The following RAB15 variants were observed in gnomAD, a reference collection of about 807,000 sequenced individuals.
The protein encoded by RAB15 is ras-related protein Rab-15.
In RAB15, 13 loss-of-function variants were observed where a neutral mutation model predicts 31.8. That is an observed-to-expected ratio of 0.41 (90% CI 0.27 to 0.65). The LOEUF (loss-of-function observed/expected upper bound fraction) is 0.65, where lower values mean the gene tolerates loss of function less well. Among genes scored for constraint, RAB15 ranks in the 30% least tolerant of loss-of-function variants. The probability of loss-of-function intolerance (pLI) is 0.32; values close to 1 mark genes in which losing one functional copy is unlikely to be tolerated. For synonymous variants in RAB15, 100 were observed against 105.6 expected, an observed-to-expected ratio of 0.95 and a Z score of 0.33; for missense variants, 220 against 277.3, an observed-to-expected ratio of 0.79 and a Z score of 1.47.
chr14:64,958,132 A>ACCC lies in RAB15; in HGVS notation c.125-5562_125-5561insGGG, dbSNP rs1886676717. ...CTAATTTTTTGTATTTTTAGTAGAG[A>ACCC]CGGGGTTTCACTGACATTATGCGGC... On this transcript the variant is annotated intron_variant, in intron 1 of 6. Coordinates refer to ENST00000533601, the MANE Select transcript of RAB15 (RefSeq NM_001308154.2). The surrounding 1 kb of genome is among the most constrained non-coding windows in gnomAD (Gnocchi z 4.4). 2 of 152,174 alleles carry ACCC rather than the reference A, an allele frequency of 1.3e-5. No individual in the cohort carries two copies. Among genetic ancestry groups the ACCC allele is most frequent in the African/African-American group, 4.8e-5 (2 of 41,402 alleles). The allele number at this position is 152,174 out of a possible 1,614,324, so 9.4% of individuals were successfully genotyped here.
intron 1 of RAB15, among the ~76,000 whole-genome samples, chr14:64,963,200 C>T (rs143745346): frequency 6.7e-6 from 1 of 149,620 alleles, no homozygotes; most frequent in East Asian, 2.0e-4. Flanking sequence ...CTCACTGCAA[C>T]CTCCACCTCC....
In RAB15 at chr14:64,948,428, C is replaced by G; in HGVS notation, c.565G>C (p.Ala189Pro). ...TCCTCCTCCTCCAGCTCTGCCAGTG[C>G]CAACTCATTGCTGGCACGCATCCGG... ...GLRMRASNEL[A>P]LAELEEEEGK... The change falls in exon 7 of 7, where the codon GCA becomes CCA. Residue 189 changes from alanine (A) to proline (P), a missense_variant. Ala to Pro is a conservative substitution (Grantham distance 27). Transcript: ENST00000533601. The surrounding 1 kb of genome is among the most constrained non-coding windows in gnomAD (Gnocchi z 7.0). 6.2e-7 allele frequency: 1 copy of G among 1,613,764 alleles called. No individual in the cohort carries two copies. The highest frequency in any genetic ancestry group is 8.5e-7 in the Non-Finnish European group (1 of 1,179,884).
rs1885999746 is a variant in RAB15 at position 64,947,856 on chromosome 14, T to C, written c.*498A>G. 1 of 152,828 alleles carries C rather than the reference T, an allele frequency of 6.5e-6. No homozygotes were observed. The highest frequency in any genetic ancestry group is 2.1e-4 in the South Asian group (1 of 4,820). 9.5% of individuals were successfully genotyped at this position (152,828 alleles called of 1,614,324 possible). On this transcript the variant is annotated 3_prime_UTR_variant, in exon 7 of 7. Coordinates refer to ENST00000533601, the MANE Select transcript of RAB15 (RefSeq NM_001308154.2). The surrounding 1 kb of genome is among the most constrained non-coding windows in gnomAD (Gnocchi z 5.6). ...ACGAGCCTGGGTCCATCCCCTTGGA[T>C]AGCTTAGGAAGGAAGGAAAGAGCGA...
chr14:64,948,234 C>G lies in RAB15; in HGVS notation c.*120G>C. On this transcript the variant is annotated 3_prime_UTR_variant, in exon 7 of 7. Coordinates refer to ENST00000533601, the MANE Select transcript of RAB15 (RefSeq NM_001308154.2). This position sits in a 1 kb window ranked among gnomAD's most constrained non-coding sequence, Gnocchi z 7.0. ...GGCCAGGCAGGGGGAGTAGTGGCTACTGATACTCAATAGGGTCATCACACG... is the reference window on the plus strand; with the variant it reads ...GGCCAGGCAGGGGGAGTAGTGGCTAGTGATACTCAATAGGGTCATCACACG... The G allele has an allele frequency of 9.3e-7, 1 of 1,080,140 alleles. No individual in the cohort carries two copies. The allele number at this position is 1,080,140 out of a possible 1,614,324, so 66.9% of individuals were successfully genotyped here.
At chr14:64,960,436 A>G in intron 1 of RAB15, among the ~76,000 whole-genome samples, 1 of 152,142 alleles carries the variant, frequency 6.6e-6, no homozygotes. Context: ...GGCTCAAGAC[A>G]CAGAGTGTCC....
At chr14:64,949,329 C>G (rs1377691156) in intron 5 of RAB15, among the ~76,000 whole-genome samples, 1 of 152,220 alleles carries the variant, frequency 6.6e-6, no homozygotes, top group Non-Finnish European at 1.5e-5. Context: ...TTATACCAAA[C>G]AATCAATTTC....
chr14:64,949,075 C>T (rs1034639445), intron 5 of RAB15, among the ~76,000 whole-genome samples: 1 of 152,202 alleles, frequency 6.6e-6, no homozygotes, highest in Non-Finnish European at 1.5e-5. Context: ...TGAATAGCAG[C>T]ACTGCCACTG....
rs1243648232 is a variant in RAB15, at chr14:64,954,719, T to C, written c.125-2148A>G. Among the ~76,000 whole-genome samples the C allele has an allele frequency of 6.6e-6, 1 of 152,106 alleles. No individual in the cohort carries two copies. The highest frequency in any genetic ancestry group is 2.4e-5 in the African/African-American group (1 of 41,426). On this transcript the variant is annotated intron_variant, in intron 1 of 6. Coordinates refer to ENST00000533601, the MANE Select transcript of RAB15 (RefSeq NM_001308154.2). The surrounding 1 kb of genome is among the most constrained non-coding windows in gnomAD (Gnocchi z 4.3). Reference sequence around the variant, plus strand: ...GCACGTGCAGAGATTCCAACACAGGTCCATCTATGCTGGAACCCACGCTGC... The same window carrying C: ...GCACGTGCAGAGATTCCAACACAGGCCCATCTATGCTGGAACCCACGCTGC...
In RAB15 at chr14:64,952,367, C is replaced by T. The variant is rs926390432; in HGVS notation, c.185+144G>A. On this transcript the variant is annotated intron_variant, in intron 2 of 6. Coordinates refer to ENST00000533601, the MANE Select transcript of RAB15 (RefSeq NM_001308154.2). The surrounding 1 kb of genome is among the most constrained non-coding windows in gnomAD (Gnocchi z 4.2). ...ATTAAGGCTTATAGGAAGAGATGGGCTTCTGAGACTTCGCTTCCATCCATC... is the reference window on the plus strand; with the variant it reads ...ATTAAGGCTTATAGGAAGAGATGGGTTTCTGAGACTTCGCTTCCATCCATC... 1.7e-5 allele frequency: 11 copies of T among 646,710 alleles called. No individual in the cohort carries two copies. Among genetic ancestry groups the T allele is most frequent in the African/African-American group, 1.3e-4 (7 of 54,650 alleles). The allele number at this position is 646,710 out of a possible 1,614,324, so 40.1% of individuals were successfully genotyped here.
At position 64,951,028 on chromosome 14, in the gene RAB15, G is replaced by A. The variant is rs772752072; in HGVS notation, c.324+46C>T. On this transcript the variant is annotated intron_variant, in intron 4 of 6. Coordinates refer to ENST00000533601, the MANE Select transcript of RAB15 (RefSeq NM_001308154.2). The surrounding 1 kb of genome is among the most constrained non-coding windows in gnomAD (Gnocchi z 7.2). ...TCTGGCCCTCGCCTTGCCTTCCCCGGTGAGGCACCCTCTCCACACCCCGGC... is the reference window on the plus strand; with the variant it reads ...TCTGGCCCTCGCCTTGCCTTCCCCGATGAGGCACCCTCTCCACACCCCGGC... The A allele has an allele frequency of 5.6e-6, 9 of 1,613,590 alleles. No homozygotes were observed. The highest frequency in any genetic ancestry group is 6.8e-6 in the Non-Finnish European group (8 of 1,180,014).
chr14:64,948,330 C>T lies in RAB15; in HGVS notation c.*24G>A, dbSNP rs376409999. 13 of 1,484,692 alleles carry T rather than the reference C, an allele frequency of 8.8e-6. No homozygotes were observed. Among genetic ancestry groups the T allele is most frequent in the East Asian group, 7.3e-5 (3 of 41,258 alleles). 92.0% of individuals were successfully genotyped at this position (1,484,692 alleles called of 1,614,324 possible). The stretch of plus-strand genomic sequence containing the variant: ...GGGCCTCCTGAGGGAAGAGGGGTGT[C>T]GTGTGGGGTGCCCCACACAGGACTC... On this transcript the variant is annotated 3_prime_UTR_variant, in exon 7 of 7. Transcript: ENST00000533601. The surrounding 1 kb of genome is among the most constrained non-coding windows in gnomAD (Gnocchi z 7.0).
Position 64,946,067 on chromosome 14 carries a change from C to G in RAB15, c.*2287G>C, listed in dbSNP as rs1885905523. ...GGCCTCAAGACATGCCCCAGGCCAC[C>G]AAAAGTTTAGGGTGAGCGTAGCTGC... On this transcript the variant is annotated 3_prime_UTR_variant, in exon 7 of 7. Coordinates refer to ENST00000533601, the MANE Select transcript of RAB15 (RefSeq NM_001308154.2). 2 of 152,588 alleles carry G rather than the reference C, an allele frequency of 1.3e-5. No individual in the cohort carries two copies. The highest frequency in any genetic ancestry group is 4.1e-4 in the South Asian group (2 of 4,824). 9.5% of individuals were successfully genotyped at this position (152,588 alleles called of 1,614,324 possible).
rs920051664 is a variant in RAB15 at position 64,968,125 on chromosome 14, A to T, written c.124+3828T>A. 2.6e-5 allele frequency among the ~76,000 whole-genome samples: 4 copies of T among 152,220 alleles called. No individual in the cohort carries two copies. Among genetic ancestry groups the T allele is most frequent in the Non-Finnish European group, 5.9e-5 (4 of 68,030 alleles). On this transcript the variant is annotated intron_variant, in intron 1 of 6. Transcript: ENST00000533601. This position sits in a 1 kb window ranked among gnomAD's most constrained non-coding sequence, Gnocchi z 4.9. ...TCTGCCTGGCCCTGTACTAGGGACTATAAAAACAATGAGGAATAAGATTTG... is the reference window on the plus strand; with the variant it reads ...TCTGCCTGGCCCTGTACTAGGGACTTTAAAAACAATGAGGAATAAGATTTG...
rs767593392 is a variant in RAB15, at chr14:64,948,333, G to C, written c.*21C>G. On this transcript the variant is annotated 3_prime_UTR_variant, in exon 7 of 7. Transcript: ENST00000533601. This position sits in a 1 kb window ranked among gnomAD's most constrained non-coding sequence, Gnocchi z 7.0. The stretch of plus-strand genomic sequence containing the variant: ...CCTCCTGAGGGAAGAGGGGTGTCGT[G>C]TGGGGTGCCCCACACAGGACTCAGC... The C allele has an allele frequency of 2.0e-6, 3 of 1,496,892 alleles. No homozygotes were observed. The Admixed American group carries it at 6.9e-5, about 35-fold the overall frequency. The allele number at this position is 1,496,892 out of a possible 1,614,324, so 92.7% of individuals were successfully genotyped here. A position where few individuals can be genotyped will look rare whatever the true frequency, so the allele number is the denominator to read the frequency against.
intron 1 of RAB15, among the ~76,000 whole-genome samples, chr14:64,969,629 C>T (rs776157911): frequency 1.5e-4 from 23 of 152,112 alleles, no homozygotes; most frequent in Non-Finnish European, 2.8e-4. Flanking sequence ...AAGGGGAACC[C>T]GGGTGTCAGA....
rs933645492 is a variant in RAB15 at position 64,971,681 on chromosome 14, G to T, written c.124+272C>A. On this transcript the variant is annotated intron_variant, in intron 1 of 6. Coordinates refer to ENST00000533601, the MANE Select transcript of RAB15 (RefSeq NM_001308154.2). The surrounding 1 kb of genome is among the most constrained non-coding windows in gnomAD (Gnocchi z 4.1). ...GCTCGGGGTACCCAGGCCTACACCA[G>T]CTCCCCTCACCCCCGGTTTCTCGGT... is the stretch of plus-strand genomic sequence containing the variant. 1 of 509,238 alleles carries T rather than the reference G, an allele frequency of 2.0e-6. No homozygotes were observed. The allele number at this position is 509,238 out of a possible 1,614,324, so 31.5% of individuals were successfully genotyped here.
At position 64,954,623 on chromosome 14, in the gene RAB15, C is replaced by T; in HGVS notation, c.125-2052G>A. 1 of 741,582 alleles carries T rather than the reference C, an allele frequency of 1.3e-6. No homozygotes were observed. The highest frequency in any genetic ancestry group is 1.6e-6 in the Non-Finnish European group (1 of 607,280). The allele number at this position is 741,582 out of a possible 1,614,324, so 45.9% of individuals were successfully genotyped here. On this transcript the variant is annotated intron_variant, in intron 1 of 6. Transcript: ENST00000533601. The surrounding 1 kb of genome is among the most constrained non-coding windows in gnomAD (Gnocchi z 4.3). ...CAGAGCAGTGAAAAAGACATGGCCC[C>T]TGCCCTCAGAGAGCCTAGTGGAAAG...
rs1298905625 is a variant in RAB15, at chr14:64,958,476, C to T, written c.125-5905G>A. ...ACCCTGATCTTGGACTTCCCAGCCTCCCAAACTCTGAGCAATACATTTCTC... is the reference window on the plus strand; with the variant it reads ...ACCCTGATCTTGGACTTCCCAGCCTTCCAAACTCTGAGCAATACATTTCTC... On this transcript the variant is annotated intron_variant, in intron 1 of 6. Transcript: ENST00000533601. This position sits in a 1 kb window ranked among gnomAD's most constrained non-coding sequence, Gnocchi z 4.4. Among the ~76,000 whole-genome samples the T allele has an allele frequency of 6.6e-6, 1 of 152,174 alleles. No individual in the cohort carries two copies. Among genetic ancestry groups the T allele is most frequent in the Non-Finnish European group, 1.5e-5 (1 of 68,030 alleles).
rs138409729 is a variant in RAB15, at chr14:64,966,592, G to A, written c.124+5361C>T. 1.3e-4 allele frequency among the ~76,000 whole-genome samples: 19 copies of A among 151,616 alleles called. No homozygotes were observed. The East Asian group carries it at 3.5e-3, about 28-fold the overall frequency. ...ATATGATAGCAGCTATTATTTTATC[G>A]AGGGCTCTGCCAAGTGCTTTATATG... is the stretch of plus-strand genomic sequence containing the variant. On this transcript the variant is annotated intron_variant, in intron 1 of 6. Coordinates refer to ENST00000533601, the MANE Select transcript of RAB15 (RefSeq NM_001308154.2).
Sources: gnomAD v4.1 joint callset for allele counts (sites outside exome capture counted in the v4.1 genomes callset) on GRCh38, gnomAD v4.1.1 for gene constraint, Gnocchi (gnomAD v3.1) non-coding constraint, MANE v1.5 for transcripts, NCBI Gene and HGNC (gene_info 2026-07-23, HGNC 2026-07-21) for gene names.